The following TRPC4 variants were observed in gnomAD, a reference collection of about 807,000 sequenced individuals.
The protein encoded by TRPC4 is transient receptor potential cation channel subfamily C member 4.
Under a neutral mutation model 99.4 loss-of-function variants are expected in TRPC4, and 49 were observed. The ratio of observed to expected loss-of-function variants is 0.49; its 90% CI spans 0.39 to 0.63. TRPC4 has a LOEUF of 0.63. Ranked by LOEUF, TRPC4 falls within the 20% of genes least tolerant of loss-of-function variation. The pLI, the probability that TRPC4 is intolerant of heterozygous loss-of-function variation, is 0.00. For synonymous variants in TRPC4, 454 were observed against 425.9 expected (o/e 1.07, Z -0.81); for missense variants, 898 against 1,152.9 (o/e 0.78, Z 3.20).
chr13:37,840,248 G>C (rs567857808), intron 1 of TRPC4, among the ~76,000 whole-genome samples: 34 of 152,042 alleles, frequency 2.2e-4, no homozygotes, highest in African/African-American at 7.2e-4. Context: ...GCTGTAGAAA[G>C]GCAATGCTGC....
chr13:37,782,999 A>G lies in TRPC4; in HGVS notation c.335T>C (p.Val112Ala). ...TTTTTTGTGGTTCAATAACAGCTCA[A>G]CAGCTCCGACGACTTCTTTTCTGAT... The part of the protein sequence containing the change: ...HAIRKEVVGA[V>A]ELLLNHKKPS... Residue 112 changes from valine (V) to alanine (A), a missense_variant, in exon 2 of 11, where the codon GTT becomes GCT. Coordinates refer to ENST00000379705, the MANE Select transcript of TRPC4 (RefSeq NM_016179.4). 6.2e-7 allele frequency: 1 copy of G among 1,600,972 alleles called. No individual in the cohort carries two copies. The highest frequency in any genetic ancestry group is 8.5e-7 in the Non-Finnish European group (1 of 1,173,736).
Position 37,869,639 on chromosome 13 carries a change from C to G in TRPC4, c.-72G>C, listed in dbSNP as rs1960033260. 6.6e-6 allele frequency: 1 copy of G among 152,448 alleles called. No homozygotes were observed. Among genetic ancestry groups the G allele is most frequent in the South Asian group, 2.1e-4 (1 of 4,840 alleles). 9.4% of individuals were successfully genotyped at this position (152,448 alleles called of 1,614,324 possible). ...GGGCTGAAGTGATGGGATCCGAGGA[C>G]TGACGGCGCGGGTGCCGTGCGGGGT... On this transcript the variant is annotated 5_prime_UTR_variant, in exon 1 of 11. Coordinates refer to ENST00000379705, the MANE Select transcript of TRPC4 (RefSeq NM_016179.4).
intron 10 of TRPC4, among the ~76,000 whole-genome samples, chr13:37,638,683 A>C (rs1951610565): frequency 6.6e-6 from 1 of 152,178 alleles, no homozygotes; most frequent in Admixed American, 6.6e-5. Context: ...CTGCTATCAA[A>C]GTTTTTCAGA....
At chr13:37,734,028 G>A (rs1414345987) in intron 3 of TRPC4, among the ~76,000 whole-genome samples, 1 of 152,104 alleles carries the variant, frequency 6.6e-6, no homozygotes, top group African/African-American at 2.4e-5. Context: ...GCCCAGCAGA[G>A]ATAAAATGAG....
intron 3 of TRPC4, among the ~76,000 whole-genome samples, chr13:37,694,954 T>C (rs1953859752): frequency 6.6e-6 from 1 of 152,208 alleles, no homozygotes; most frequent in African/African-American, 2.4e-5. Context: ...TGCTCTTTAC[T>C]TGTCTACACC....
chr13:37,793,145 A>G (rs1322480257), intron 1 of TRPC4, among the ~76,000 whole-genome samples: 1 of 152,208 alleles, frequency 6.6e-6, no homozygotes, highest in Non-Finnish European at 1.5e-5. Context: ...ATGTTTTCTA[A>G]ATAGATTTTA....
intron 2 of TRPC4, among the ~76,000 whole-genome samples, chr13:37,780,694 C>T (rs1169422485): frequency 1.3e-5 from 2 of 152,084 alleles, no homozygotes; most frequent in African/African-American, 2.4e-5. Context: ...GGATTTGATA[C>T]GGCCCAAGCA....
In TRPC4 at chr13:37,634,332, G is replaced by A. The variant is rs74853175; in HGVS notation, c.*2571C>T. On this transcript the variant is annotated 3_prime_UTR_variant, in exon 11 of 11. Transcript: ENST00000379705. The stretch of plus-strand genomic sequence containing the variant: ...CATTAATGCTACATAATGTCACTAC[G>A]TATTTAGAATAGCATTCAATTCTAG... Among the ~76,000 whole-genome samples, 2 of 152,034 alleles carry A rather than the reference G, an allele frequency of 1.3e-5. No individual in the cohort carries two copies. Among genetic ancestry groups the A allele is most frequent in the Non-Finnish European group, 2.9e-5 (2 of 67,918 alleles).
intron 3 of TRPC4, among the ~76,000 whole-genome samples, chr13:37,728,757 C>G (rs1955146315): frequency 6.6e-6 from 1 of 151,988 alleles, no homozygotes; most frequent in Non-Finnish European, 1.5e-5. Context: ...AGCTTGAGGT[C>G]TCATACTTCC....
rs571347069 is a variant in TRPC4, at chr13:37,642,403, C to T, written c.2080-3104G>A. 2.5e-4 allele frequency among the ~76,000 whole-genome samples: 38 copies of T among 152,230 alleles called. 1 individual carries two copies. The South Asian group carries it at 6.4e-3, about 26-fold the overall frequency. On this transcript the variant is annotated intron_variant, in intron 8 of 10. Transcript: ENST00000379705. ...GTGGAATGTACCTCCTACAACATGT[C>T]GCTACTGAGAAGCCACTCTGATTTG... is the stretch of plus-strand genomic sequence containing the variant.
At chr13:37,861,270 A>G (rs188513462) in intron 1 of TRPC4, among the ~76,000 whole-genome samples, 1 of 151,294 alleles carries the variant, frequency 6.6e-6, no homozygotes, top group African/African-American at 2.4e-5. Flanking sequence ...TTACATTTTT[A>G]AAAAAATCAG....
At chr13:37,867,995 T>G (rs766596373) in intron 1 of TRPC4, among the ~76,000 whole-genome samples, 8 of 152,128 alleles carry the variant, frequency 5.3e-5, no homozygotes, top group Non-Finnish European at 7.4e-5. Flanking sequence ...TAAAGATTGC[T>G]TCTGTTATTT....
chr13:37,751,395 T>TGA (rs34530149), intron 2 of TRPC4, among the ~76,000 whole-genome samples: 4,000 of 129,330 alleles, frequency 0.031, 84 homozygotes, highest in East Asian at 0.064. Context: ...GAGAAAAGAA[T>TGA]GAGAGAGAGA....
intron 1 of TRPC4, among the ~76,000 whole-genome samples, chr13:37,823,214 T>G (rs1344521045): frequency 2.7e-5 from 4 of 148,802 alleles, no homozygotes; most frequent in African/African-American, 9.8e-5. Flanking sequence ...TCTCCCATTT[T>G]GTAGGTTGCC....
chr13:37,677,351 C>G (rs1310356530), intron 4 of TRPC4, among the ~76,000 whole-genome samples: 1 of 151,836 alleles, frequency 6.6e-6, no homozygotes, highest in Non-Finnish European at 1.5e-5. Flanking sequence ...CATAATTATA[C>G]TCAATGAAAT....
intron 1 of TRPC4, among the ~76,000 whole-genome samples, chr13:37,836,439 G>A (rs530686987): frequency 6.6e-6 from 1 of 152,240 alleles, no homozygotes; most frequent in South Asian, 2.1e-4. Context: ...TGCCCAAAAT[G>A]CTGATAGTGA....
chr13:37,680,951 T>C (rs897716570), intron 4 of TRPC4, among the ~76,000 whole-genome samples: 1 of 152,232 alleles, frequency 6.6e-6, no homozygotes, highest in Non-Finnish European at 1.5e-5. Flanking sequence ...AGATAAACTT[T>C]ATTATCTTTA....
Position 37,634,042 on chromosome 13 carries a change from A to C in TRPC4, c.*2861T>G, listed in dbSNP as rs183390583. ...TAGTCTATTAAACTGAATTTTCAACACACTCCTTCACCTAACTCAGACACA... is the reference window on the plus strand; with the variant it reads ...TAGTCTATTAAACTGAATTTTCAACCCACTCCTTCACCTAACTCAGACACA... On this transcript the variant is annotated 3_prime_UTR_variant, in exon 11 of 11. Transcript: ENST00000379705. 3.8e-3 allele frequency among the ~76,000 whole-genome samples: 572 copies of C among 152,220 alleles called. 7 individuals are homozygous for C. Among genetic ancestry groups the C allele is most frequent in the African/African-American group, 0.013 (552 of 41,544 alleles).
chr13:37,866,965 T>C (rs184097103), intron 1 of TRPC4, among the ~76,000 whole-genome samples: 4 of 138,382 alleles, frequency 2.9e-5, no homozygotes, highest in Admixed American at 2.7e-4. Context: ...TCCATAGGCA[T>C]TAAAGAGGTC....
Sources: gnomAD v4.1 joint callset for allele counts (sites outside exome capture counted in the v4.1 genomes callset) on GRCh38, gnomAD v4.1.1 for gene constraint, MANE v1.5 for transcripts, NCBI Gene and HGNC (gene_info 2026-07-23, HGNC 2026-07-21) for gene names.